Variants in SLC26A8 observed in about 807,000 individuals in gnomAD.
The protein encoded by SLC26A8 is testis anion transporter 1.
SLC26A8 carries 70 observed loss-of-function variants against 105.0 expected under a neutral mutation model. That is an observed-to-expected ratio of 0.67 (90% CI 0.55 to 0.81). The LOEUF is 0.81. SLC26A8 is among the 40% of genes least tolerant of loss of function. The pLI, the probability that SLC26A8 is intolerant of heterozygous loss-of-function variation, is 0.00. For missense variants in SLC26A8, 998 were observed against 1,181.8 expected (o/e 0.84, Z 2.28); for synonymous variants, 415 against 438.3 (o/e 0.95, Z 0.66).
chr6:35,956,412 A>G (rs1432088482), intron 16 of SLC26A8, among the ~76,000 whole-genome samples: 1 of 140,906 alleles, frequency 7.1e-6, no homozygotes, highest in Non-Finnish European at 1.5e-5. Context: ...TGAGCAACAG[A>G]GCAAGACCTT....
At chr6:35,998,633 A>G (rs895714951) in intron 4 of SLC26A8, among the ~76,000 whole-genome samples, 4 of 151,230 alleles carry the variant, frequency 2.6e-5, no homozygotes, top group African/African-American at 9.7e-5. Flanking sequence ...ACTGACACTG[A>G]GGTAAATTAA....
intron 5 of SLC26A8, among the ~76,000 whole-genome samples, chr6:35,994,346 C>T (rs959526630): frequency 2.0e-5 from 3 of 151,880 alleles, no homozygotes; most frequent in South Asian, 2.1e-4. Flanking sequence ...GATCTCCTGA[C>T]CTTGTGATCC....
chr6:35,982,460 T>C (rs1039120242), intron 7 of SLC26A8, among the ~76,000 whole-genome samples: 7 of 152,242 alleles, frequency 4.6e-5, no homozygotes, highest in African/African-American at 1.2e-4. Context: ...TGGGAACAAA[T>C]GGACGCCATG....
In SLC26A8 at chr6:35,977,300, T is replaced by C. The variant is rs1376380740; in HGVS notation, c.1077A>G (p.Leu359=). 7 of 1,613,886 alleles carry C rather than the reference T, an allele frequency of 4.3e-6. No individual in the cohort carries two copies. The highest frequency in any genetic ancestry group is 1.3e-5 in the African/African-American group (1 of 74,902). The change falls in exon 9 of 20, where the codon TTA becomes TTG. Residue 359 remains leucine, a synonymous_variant. Transcript: ENST00000490799. ...TCACCAAAGATAAGGAGAAGGCTTG[T>C]AAAATTATCTTGGGAAGAAGGCTGA... ...PDFSLLPKII[L]QAFSLSLVSS...
At chr6:36,024,051 TTGACA>T (rs1762196603) in intron 1 of SLC26A8, among the ~76,000 whole-genome samples, 1 of 151,200 alleles carries the variant, frequency 6.6e-6, no homozygotes, top group Admixed American at 6.6e-5. Context: ...TCAACGGCAT[TTGACA>T]TGAAAAGAAA....
intron 10 of SLC26A8, chr6:35,969,282 T>C: frequency 3.6e-6 from 1 of 275,236 alleles, no homozygotes; most frequent in East Asian, 9.3e-5. Context: ...CTCCTAAGTT[T>C]AACCTCTCCT....
At chr6:35,991,517 A>G (rs1288319681) in intron 7 of SLC26A8, 142 bp downstream of exon 7, 2 of 588,604 alleles carry the variant, frequency 3.4e-6, no homozygotes, top group Non-Finnish European at 5.2e-6. Context: ...AATATTTTAG[A>G]AAAAGAAAAC....
intron 3 of SLC26A8, among the ~76,000 whole-genome samples, chr6:36,011,864 C>T (rs1322597119): frequency 1.3e-5 from 2 of 152,200 alleles, no homozygotes; most frequent in Non-Finnish European, 2.9e-5. Flanking sequence ...CTGCCTTGGC[C>T]TCCCAAAGTG....
intron 19 of SLC26A8, among the ~76,000 whole-genome samples, chr6:35,949,867 G>A (rs994929925): frequency 1.3e-5 from 2 of 151,438 alleles, no homozygotes; most frequent in Non-Finnish European, 2.9e-5. Context: ...GTGCAGTGGC[G>A]CGATCTCGGC....
chr6:35,965,440 A>C (rs531201086), intron 11 of SLC26A8, among the ~76,000 whole-genome samples: 10 of 152,080 alleles, frequency 6.6e-5, no homozygotes, highest in Admixed American at 1.3e-4. Flanking sequence ...GCACTTTGGG[A>C]GGCCGAGGCA....
rs960188982 is a variant in SLC26A8 at position 36,000,010 on chromosome 6, A to G, written c.427T>C (p.Cys143Arg). ...SSVIYVIFGSCHQMSIGSFFL... is the reference protein window; with the variant it reads ...SSVIYVIFGSRHQMSIGSFFL... ...AACTCACCAATGGACATTTGATGACACGATCCAAAAATTACATAGATTACC... is the reference window on the plus strand; with the variant it reads ...AACTCACCAATGGACATTTGATGACGCGATCCAAAAATTACATAGATTACC... Residue 143 changes from cysteine to arginine, a missense_variant, in exon 4 of 20, where the codon TGT (cysteine) becomes CGT (arginine). Physicochemically the swap from Cys to Arg is radical, Grantham distance 180. Coordinates refer to ENST00000490799, the MANE Select transcript of SLC26A8 (RefSeq NM_052961.4). 1 of 1,613,552 alleles carries G rather than the reference A, an allele frequency of 6.2e-7. No homozygotes were observed. Among genetic ancestry groups the G allele is most frequent in the Non-Finnish European group, 8.5e-7 (1 of 1,179,500 alleles).
In SLC26A8 at chr6:35,981,743, A is replaced by C. The variant is rs1404418754; in HGVS notation, c.1025+378T>G. Among the ~76,000 whole-genome samples the C allele has an allele frequency of 6.6e-6, 1 of 152,224 alleles. No homozygotes were observed. Among genetic ancestry groups the C allele is most frequent in the African/African-American group, 2.4e-5 (1 of 41,460 alleles). On this transcript the variant is annotated intron_variant, in intron 8 of 19. Transcript: ENST00000490799. This position sits in a 1 kb window ranked among gnomAD's most constrained non-coding sequence, Gnocchi z 4.0. ...CAAAAGGAACGTTCATCTTCTGAAC[A>C]CAGAGCCACAGGAGAGAGGCTAGAA...
At chr6:36,010,069 C>T (rs1281119867) in intron 3 of SLC26A8, among the ~76,000 whole-genome samples, 19 of 152,164 alleles carry the variant, frequency 1.2e-4, no homozygotes, top group Non-Finnish European at 5.9e-5. Context: ...TAAACATACA[C>T]GTACCATGTG....
chr6:36,000,548 G>T (rs923139941), intron 3 of SLC26A8, among the ~76,000 whole-genome samples: 1 of 152,124 alleles, frequency 6.6e-6, no homozygotes. Context: ...GGTATGTGTT[G>T]GTTCTCTTCC....
chr6:35,981,383 G>A lies in SLC26A8; in HGVS notation c.1025+738C>T, dbSNP rs181392591. Among the ~76,000 whole-genome samples the A allele has an allele frequency of 1.1e-3, 173 of 152,314 alleles. 1 individual carries two copies. Among genetic ancestry groups the A allele is most frequent in the Middle Eastern group, 6.8e-3 (2 of 294 alleles). On this transcript the variant is annotated intron_variant, in intron 8 of 19. Coordinates refer to ENST00000490799, the MANE Select transcript of SLC26A8 (RefSeq NM_052961.4). This position sits in a 1 kb window ranked among gnomAD's most constrained non-coding sequence, Gnocchi z 4.0. ...TGACCGGGCACTGTGGCTCATGCCT[G>A]TAATCCCAGCACTATAGGAGGCCAA...
intron 8 of SLC26A8, among the ~76,000 whole-genome samples, 190 bp from the exon 9 acceptor site, chr6:35,977,541 T>C (rs1034596042): frequency 6.6e-6 from 1 of 151,824 alleles, no homozygotes; most frequent in Non-Finnish European, 1.5e-5. Context: ...TGAAAGCCAT[T>C]GAGAGAACAT....
intron 7 of SLC26A8, chr6:35,990,238 C>G: frequency 5.4e-6 from 1 of 186,206 alleles, no homozygotes; most frequent in South Asian, 9.9e-5. Context: ...CACCTGGCCT[C>G]TGCTCTGTGG....
chr6:35,995,997 C>A (rs1256276032), intron 5 of SLC26A8, among the ~76,000 whole-genome samples: 1 of 152,156 alleles, frequency 6.6e-6, no homozygotes, highest in African/African-American at 2.4e-5. Flanking sequence ...AAATTCATTT[C>A]TCTGTGCCCA....
chr6:35,946,814 A>C (rs906931134), intron 19 of SLC26A8, among the ~76,000 whole-genome samples: 1 of 151,860 alleles, frequency 6.6e-6, no homozygotes, highest in South Asian at 2.1e-4. Flanking sequence ...CAAGCTCCCG[A>C]GTAGCTAGGA....
Sources: allele counts gnomAD v4.1 joint callset (sites outside exome capture counted in the v4.1 genomes callset), GRCh38; gene constraint gnomAD v4.1.1; non-coding constraint Gnocchi (gnomAD v3.1); transcripts MANE v1.5; gene names NCBI Gene and HGNC (gene_info 2026-07-23, HGNC 2026-07-21).